CDH23: variants seen among roughly 807,000 people sequenced by gnomAD.
CDH23 encodes cadherin related 23.
A neutral mutation model predicts 317.1 loss-of-function variants in CDH23; 189 were observed. That is an observed-to-expected ratio of 0.60 (90% CI 0.53 to 0.67). The LOEUF (loss-of-function observed/expected upper bound fraction) is 0.67, where lower values mean the gene tolerates loss of function less well. Among genes scored for constraint, CDH23 ranks in the 30% least tolerant of loss-of-function variants. The pLI, the probability that CDH23 is intolerant of heterozygous loss-of-function variation, is 0.00. For synonymous variants in CDH23, 1,839 were observed against 1,876.8 expected (o/e 0.98, Z 0.52); for missense variants, 4,401 against 4,592.4 (o/e 0.96, Z 1.20).
chr10:71,543,201 T>C (rs1173247798), intron 6 of CDH23, among the ~76,000 whole-genome samples: 1 of 152,168 alleles, frequency 6.6e-6, no homozygotes, highest in Non-Finnish European at 1.5e-5. Context: ...GGGAGTTGGG[T>C]GGGGACCCAA....
At chr10:71,666,626 T>A (rs968359855) in intron 14 of CDH23, among the ~76,000 whole-genome samples, 2 of 152,098 alleles carry the variant, frequency 1.3e-5, no homozygotes, top group Non-Finnish European at 2.9e-5. Flanking sequence ...TGGGGCAGAC[T>A]GGATGGTATT....
rs567929118 is a variant in CDH23 at position 71,799,192 on chromosome 10, C to A, written c.7136C>A (p.Ser2379Tyr). 6 of 1,614,048 alleles carry A rather than the reference C, an allele frequency of 3.7e-6. No individual in the cohort carries two copies. The East Asian group carries it at 1.3e-4, about 36-fold the overall frequency. ...ACCGTGAGGGCCTCAGACAACGGGT[C>A]CCCGCCCCGGGCAGCTGAGATCCCT... Reference protein sequence around the residue: ...NFTVRASDNGSPPRAAEIPVY... With the variant: ...NFTVRASDNGYPPRAAEIPVY... Residue 2379 changes from serine (S) to tyrosine (Y), a missense_variant, in exon 51 of 70, where the codon TCC (serine) becomes TAC (tyrosine). Physicochemically the swap from Ser to Tyr is moderately radical, Grantham distance 144 (BLOSUM62 -2). This residue lies in a region of CDH23 where 189 missense variants were observed against 250.9 expected (regional missense o/e 0.75). Coordinates refer to ENST00000224721, the MANE Select transcript of CDH23 (RefSeq NM_022124.6).
rs547748255 is a variant in CDH23 at position 71,788,823 on chromosome 10, G to A, written c.5821-117G>A. ...AAAATGTGAGTTCATGTTGGTGTGG[G>A]CTTTTCTGATCATCCACCTCTGTGC... On this transcript the variant is annotated intron_variant, in intron 44 of 69. Transcript: ENST00000224721. 5 of 664,128 alleles carry A rather than the reference G, an allele frequency of 7.5e-6. No homozygotes were observed. The African/African-American group carries it at 8.9e-5, about 12-fold the overall frequency. The allele number at this position is 664,128 out of a possible 1,614,324, so 41.1% of individuals were successfully genotyped here.
At chr10:71,699,424 G>A (rs1865506484) in intron 22 of CDH23, among the ~76,000 whole-genome samples, 1 of 152,252 alleles carries the variant, frequency 6.6e-6, no homozygotes, top group Admixed American at 6.5e-5. Flanking sequence ...GCAGACAAGT[G>A]TCTTCCCACA....
intron 3 of CDH23, among the ~76,000 whole-genome samples, chr10:71,507,033 C>A (rs1332874934): frequency 6.6e-6 from 1 of 152,074 alleles, no homozygotes; most frequent in African/African-American, 2.4e-5. Flanking sequence ...GATATTGGGC[C>A]CAGTTGTGCA....
rs1199145629 is a variant in CDH23, at chr10:71,702,026, T to A, written c.2402T>A (p.Val801Glu). The change falls in exon 23 of 70, where the codon GTG (valine) becomes GAG (glutamate). Residue 801 changes from valine to glutamate, a missense_variant. This residue lies in a region of CDH23 where 3,068 missense variants were observed against 3,203.3 expected (regional missense o/e 0.96). Transcript: ENST00000224721. ...TPPDSDVTTV[V>E]AVDPDLGENG... ...GGTCTGCTCCCTCCCGGGCAGGTGGTGGCTGTTGACCCAGACCTGGGGGAG... is the reference window on the plus strand; with the variant it reads ...GGTCTGCTCCCTCCCGGGCAGGTGGAGGCTGTTGACCCAGACCTGGGGGAG... The A allele has an allele frequency of 3.1e-6, 5 of 1,613,428 alleles. No individual in the cohort carries two copies. The highest frequency in any genetic ancestry group is 3.3e-5 in the Admixed American group (2 of 59,990).
chr10:71,447,437 G>A (rs775275744), intron 3 of CDH23, among the ~76,000 whole-genome samples: 20 of 152,142 alleles, frequency 1.3e-4, no homozygotes, highest in African/African-American at 4.3e-4. Flanking sequence ...TGTGAGCAGC[G>A]CCTTTCACTC....
rs751376854 is a variant in CDH23, at chr10:71,789,013, A to G, written c.5894A>G (p.Gln1965Arg). ...NHPLFTKSTYQAEVMENSPAG... is the reference protein window; with the variant it reads ...NHPLFTKSTYRAEVMENSPAG... Reference sequence around the variant, plus strand: ...CCCCTCTTCACTAAAAGCACCTACCAGGCAGAGGTGATGGAAAACTCTCCC... The same window carrying G: ...CCCCTCTTCACTAAAAGCACCTACCGGGCAGAGGTGATGGAAAACTCTCCC... Residue 1965 changes from glutamine to arginine, a missense_variant, in exon 45 of 70, where the codon CAG becomes CGG. Physicochemically the swap from Gln to Arg is conservative, Grantham distance 43. Coordinates refer to ENST00000224721, the MANE Select transcript of CDH23 (RefSeq NM_022124.6). The G allele has an allele frequency of 1.3e-6, 2 of 1,594,184 alleles. No homozygotes were observed. The highest frequency in any genetic ancestry group is 1.7e-6 in the Non-Finnish European group (2 of 1,161,930).
chr10:71,447,588 C>T (rs1850234062), intron 3 of CDH23, among the ~76,000 whole-genome samples: 1 of 152,024 alleles, frequency 6.6e-6, no homozygotes, highest in Non-Finnish European at 1.5e-5. Flanking sequence ...AACGGCTACT[C>T]CTTTGGTGAT....
chr10:71,593,055 C>T (rs1859603880), intron 9 of CDH23, among the ~76,000 whole-genome samples: 1 of 152,256 alleles, frequency 6.6e-6, no homozygotes, highest in Non-Finnish European at 1.5e-5. Context: ...GTCCCCTAGG[C>T]AGCCGGTACA....
In CDH23 at chr10:71,798,501, G is replaced by A. The variant is rs1264001448; in HGVS notation, c.6977G>A (p.Gly2326Asp). 4 of 1,613,856 alleles carry A rather than the reference G, an allele frequency of 2.5e-6. No individual in the cohort carries two copies. In the African/African-American group the frequency reaches 4.0e-5, roughly 16 times the overall value. Residue 2326 changes from glycine to aspartate, a missense_variant, in exon 50 of 70, where the codon GGC (glycine) becomes GAC (aspartate). Physicochemically the swap from Gly to Asp is moderately conservative, Grantham distance 94. This residue lies in a region of CDH23 where 3,068 missense variants were observed against 3,203.3 expected (regional missense o/e 0.96). Coordinates refer to ENST00000224721, the MANE Select transcript of CDH23 (RefSeq NM_022124.6). Reference protein sequence around the residue: ...IAVAAVDPDKGLNGLVTYTLL... With the variant: ...IAVAAVDPDKDLNGLVTYTLL... ...GTGGCAGCCGTGGACCCTGACAAGGGCCTTAATGGGCTGGTCACCTACACC... is the reference window on the plus strand; with the variant it reads ...GTGGCAGCCGTGGACCCTGACAAGGACCTTAATGGGCTGGTCACCTACACC...
intron 3 of CDH23, among the ~76,000 whole-genome samples, chr10:71,461,171 G>A (rs1001889403): frequency 6.6e-5 from 10 of 152,208 alleles, no homozygotes; most frequent in African/African-American, 2.4e-4. Context: ...GTATTCTAGG[G>A]GACCATCAGG....
chr10:71,695,636 C>T, intron 22 of CDH23, 111 bp downstream of exon 22: 1 of 724,974 alleles, frequency 1.4e-6, no homozygotes, highest in East Asian at 2.6e-5. Flanking sequence ...GACTCTGTGT[C>T]CCTCTGAGCT....
intron 28 of CDH23, among the ~76,000 whole-genome samples, chr10:71,721,750 C>T (rs748977201): frequency 2.6e-5 from 4 of 152,220 alleles, no homozygotes; most frequent in Admixed American, 6.5e-5. Context: ...CATGTCTATA[C>T]TCCCTGTCCT....
intron 1 of CDH23, among the ~76,000 whole-genome samples, chr10:71,407,036 A>G (rs1377284475): frequency 6.6e-6 from 1 of 152,214 alleles, no homozygotes; most frequent in Non-Finnish European, 1.5e-5. Context: ...TGTTACTCTT[A>G]TGTTACAGGT....
Position 71,752,585 on chromosome 10 carries a change from G to A in CDH23, c.4845+10664G>A, listed in dbSNP as rs115592885. ...AGCCTCTGCCCTTGTGGCCTGCAGC[G>A]GCCTAACAGCTTTCTCCTTGGAGTT... On this transcript the variant is annotated intron_variant, in intron 38 of 69. Coordinates refer to ENST00000224721, the MANE Select transcript of CDH23 (RefSeq NM_022124.6). Among the ~76,000 whole-genome samples the A allele has an allele frequency of 3.7e-3, 564 of 152,254 alleles. 7 individuals carry two copies. Among genetic ancestry groups the A allele is most frequent in the African/African-American group, 0.013 (529 of 41,558 alleles).
intron 19 of CDH23, 67 bp from the exon 20 acceptor site, chr10:71,690,401 C>A: frequency 1.7e-6 from 2 of 1,201,512 alleles, no homozygotes; most frequent in Non-Finnish European, 2.4e-6. Flanking sequence ...GCTCCCAGGG[C>A]TGGGGCCTTG....
At chr10:71,654,818 C>T (rs2132618076) in intron 14 of CDH23, among the ~76,000 whole-genome samples, 1 of 152,168 alleles carries the variant, frequency 6.6e-6, no homozygotes, top group South Asian at 2.1e-4. Context: ...GAGGAGTGTC[C>T]CAAGAGATCC....
At chr10:71,663,860 G>A (rs889805706) in intron 14 of CDH23, among the ~76,000 whole-genome samples, 7 of 152,162 alleles carry the variant, frequency 4.6e-5, no homozygotes, top group African/African-American at 1.7e-4. Flanking sequence ...AATTAGCCAA[G>A]CATGGTGGTG....
Sources: allele counts gnomAD v4.1 joint callset (sites outside exome capture counted in the v4.1 genomes callset), GRCh38; gene constraint gnomAD v4.1.1; regional missense constraint gnomAD v4.1.1; transcripts MANE v1.5; gene names NCBI Gene and HGNC (gene_info 2026-07-23, HGNC 2026-07-21).